Variants in GRID2 observed in about 807,000 individuals in gnomAD.
GRID2 encodes glutamate receptor ionotropic, delta-2.
GRID2 carries 33 observed loss-of-function variants against 114.8 expected under a neutral mutation model. The ratio of observed to expected loss-of-function variants is 0.29; its 90% CI spans 0.22 to 0.38. GRID2 has a LOEUF of 0.38. Ranked by LOEUF, GRID2 falls within the 10% of genes least tolerant of loss-of-function variation. The pLI is 1.00. For synonymous variants in GRID2, 505 were observed against 449.9 expected (o/e 1.12, Z -1.55); for missense variants, 1,184 against 1,257.7 (o/e 0.94, Z 0.89).
intron 2 of GRID2, among the ~76,000 whole-genome samples, chr4:92,827,990 A>G (rs11731176): frequency 0.03 from 4,591 of 152,146 alleles, 90 homozygotes; most frequent in Non-Finnish European, 0.041. Flanking sequence ...AAATGATCAG[A>G]TTAATAGATA....
intron 2 of GRID2, among the ~76,000 whole-genome samples, chr4:92,783,357 T>C (rs987978396): frequency 3.9e-5 from 6 of 152,028 alleles, no homozygotes; most frequent in Non-Finnish European, 7.4e-5. Context: ...TATTCCAAAA[T>C]GCTAGCAAAT....
chr4:92,338,010 G>A (rs1467446601), intron 1 of GRID2, among the ~76,000 whole-genome samples: 1 of 152,128 alleles, frequency 6.6e-6, no homozygotes, highest in African/African-American at 2.4e-5. Context: ...TGGCTTGCCT[G>A]TACATGGGAT....
intron 1 of GRID2, among the ~76,000 whole-genome samples, chr4:92,546,691 G>A (rs1002275970): frequency 1.3e-5 from 2 of 152,204 alleles, no homozygotes; most frequent in African/African-American, 2.4e-5. Context: ...TTCCTAAATT[G>A]AAGTAGAATT....
intron 13 of GRID2, among the ~76,000 whole-genome samples, chr4:93,616,861 G>T (rs546271149): frequency 6.7e-6 from 1 of 149,388 alleles, no homozygotes; most frequent in Non-Finnish European, 1.5e-5. Context: ...CAGGCGTGGT[G>T]GTGGGCGCCT....
intron 4 of GRID2, among the ~76,000 whole-genome samples, chr4:93,167,001 A>G (rs757650939): frequency 2.6e-5 from 4 of 152,126 alleles, no homozygotes; most frequent in Non-Finnish European, 1.5e-5. Context: ...TCCACTTACC[A>G]CTACAGTTAA....
intron 2 of GRID2, among the ~76,000 whole-genome samples, chr4:92,831,567 A>T (rs529698550): frequency 8.5e-4 from 130 of 152,132 alleles, no homozygotes; most frequent in Non-Finnish European, 1.6e-3. Flanking sequence ...TTATCTATAA[A>T]ATGATTCCAG....
At chr4:93,752,149 T>C (rs1349983797) in intron 14 of GRID2, among the ~76,000 whole-genome samples, 1 of 152,162 alleles carries the variant, frequency 6.6e-6, no homozygotes, top group Non-Finnish European at 1.5e-5. Flanking sequence ...ATAATGATTA[T>C]AACAATAGCT....
chr4:93,064,129 TA>T (rs1560840483), intron 2 of GRID2, among the ~76,000 whole-genome samples: 3 of 51,084 alleles, frequency 5.9e-5, no homozygotes, highest in Non-Finnish European at 1.2e-4. Context: ...TATTAAAATA[TA>T]ATATATATAA....
intron 14 of GRID2, among the ~76,000 whole-genome samples, chr4:93,740,528 T>C (rs1731276574): frequency 6.6e-6 from 1 of 152,232 alleles, no homozygotes; most frequent in Non-Finnish European, 1.5e-5. Context: ...GAAAGTCTTT[T>C]AGAGATGTTA....
intron 11 of GRID2, among the ~76,000 whole-genome samples, chr4:93,462,496 G>A (rs1723840917): frequency 6.6e-6 from 1 of 152,150 alleles, no homozygotes; most frequent in Admixed American, 6.5e-5. Flanking sequence ...GTTAACATAA[G>A]AGACAACCCA....
At chr4:93,428,285 T>G (rs2149376158) in intron 10 of GRID2, among the ~76,000 whole-genome samples, 1 of 152,104 alleles carries the variant, frequency 6.6e-6, no homozygotes, top group East Asian at 1.9e-4. Flanking sequence ...TTCTATAAAG[T>G]AAAAAAATAC....
intron 8 of GRID2, among the ~76,000 whole-genome samples, chr4:93,307,947 T>C (rs1476289062): frequency 6.6e-6 from 1 of 152,156 alleles, no homozygotes; most frequent in Non-Finnish European, 1.5e-5. Context: ...TGATTTTTTT[T>C]TTTAAAAACT....
At chr4:92,529,508 A>G (rs1725225316) in intron 1 of GRID2, among the ~76,000 whole-genome samples, 1 of 152,114 alleles carries the variant, frequency 6.6e-6, no homozygotes, top group Admixed American at 6.6e-5. Flanking sequence ...TAGGGATTCC[A>G]GGCCTAGGAA....
intron 8 of GRID2, among the ~76,000 whole-genome samples, chr4:93,246,922 A>C (rs1375914251): frequency 6.6e-6 from 1 of 152,162 alleles, no homozygotes; most frequent in Non-Finnish European, 1.5e-5. Flanking sequence ...TAGGGAGCCT[A>C]TCTGATTTCA....
intron 13 of GRID2, among the ~76,000 whole-genome samples, chr4:93,605,879 A>G (rs1740180879): frequency 6.6e-6 from 1 of 152,234 alleles, no homozygotes; most frequent in African/African-American, 2.4e-5. Context: ...GACACTAACC[A>G]AAGCCTGGGG....
intron 2 of GRID2, among the ~76,000 whole-genome samples, chr4:92,618,605 A>T (rs1730119996): frequency 6.6e-6 from 1 of 151,676 alleles, no homozygotes; most frequent in Non-Finnish European, 1.5e-5. Flanking sequence ...TGGTCATTTT[A>T]GCAATATTAA....
chr4:93,227,145 T>G (rs1745575057), intron 7 of GRID2, among the ~76,000 whole-genome samples: 1 of 152,174 alleles, frequency 6.6e-6, no homozygotes, highest in African/African-American at 2.4e-5. Flanking sequence ...TCTCCTATTG[T>G]CCTGATAAAT....
At chr4:93,091,232 G>A (rs1196909382) in intron 3 of GRID2, among the ~76,000 whole-genome samples, 3 of 152,008 alleles carry the variant, frequency 2.0e-5, no homozygotes, top group Admixed American at 6.6e-5. Context: ...ATTACCACCC[G>A]ATGTAATGAG....
At chr4:93,564,233 G>C (rs1350542350) in intron 13 of GRID2, among the ~76,000 whole-genome samples, 2 of 151,948 alleles carry the variant, frequency 1.3e-5, no homozygotes, top group African/African-American at 4.8e-5. Flanking sequence ...ACTTGATTTT[G>C]CGTGATTGGC....
Sources: allele counts gnomAD v4.1 joint callset (sites outside exome capture counted in the v4.1 genomes callset), GRCh38; gene constraint gnomAD v4.1.1; transcripts MANE v1.5; gene names NCBI Gene and HGNC (gene_info 2026-07-23, HGNC 2026-07-21).